PTPRN2: variants seen among roughly 807,000 people sequenced by gnomAD.
PTPRN2 encodes receptor-type tyrosine-protein phosphatase N2.
A neutral mutation model predicts 118.8 loss-of-function variants in PTPRN2; 74 were observed. That is an observed-to-expected ratio of 0.62 (90% CI 0.52 to 0.76). PTPRN2 has a LOEUF of 0.76. Among genes scored for constraint, PTPRN2 ranks in the 30% least tolerant of loss-of-function variants. PTPRN2 has a pLI of 0.00. For synonymous variants in PTPRN2, 641 were observed against 608.0 expected (o/e 1.05, Z -0.80); for missense variants, 1,481 against 1,394.4 (o/e 1.06, Z -0.99).
At chr7:158,491,755 G>T (rs185092950) in intron 1 of PTPRN2, among the ~76,000 whole-genome samples, 2 of 152,314 alleles carry the variant, frequency 1.3e-5, no homozygotes, top group East Asian at 3.9e-4. Flanking sequence ...CTCCCAAAGT[G>T]CTGGGATTAC....
chr7:157,908,282 C>T (rs535647199), intron 11 of PTPRN2, among the ~76,000 whole-genome samples: 14 of 152,328 alleles, frequency 9.2e-5, no homozygotes, highest in Middle Eastern at 3.4e-3. Flanking sequence ...TTCTGCCATG[C>T]GAGCCTTGAA....
At chr7:158,081,692 G>C in intron 10 of PTPRN2, among the ~76,000 whole-genome samples, 1 of 152,148 alleles carries the variant, frequency 6.6e-6, no homozygotes, top group East Asian at 1.9e-4. Context: ...AAAAAGAAAA[G>C]TTGTTATTGA....
intron 12 of PTPRN2, among the ~76,000 whole-genome samples, chr7:157,697,277 C>T (rs1278124900): frequency 6.9e-6 from 1 of 144,754 alleles, no homozygotes; most frequent in Admixed American, 6.8e-5. Context: ...GCAGATTCCT[C>T]ACCATCTACC....
chr7:158,337,265 C>T (rs62481673), intron 2 of PTPRN2, among the ~76,000 whole-genome samples: 56,256 of 145,182 alleles, frequency 0.39, 10,363 homozygotes, highest in Middle Eastern at 0.45. Flanking sequence ...CACCTGCAGA[C>T]GTCACTCAAA....
intron 2 of PTPRN2, among the ~76,000 whole-genome samples, chr7:158,342,078 CCAG>C (rs1806959618): frequency 7.2e-6 from 1 of 138,920 alleles, no homozygotes; most frequent in African/African-American, 2.8e-5. Context: ...CACACTCTCA[CCAG>C]AAGGGGTGTC....
At chr7:158,341,265 C>G (rs1806705493) in intron 2 of PTPRN2, among the ~76,000 whole-genome samples, 2 of 150,624 alleles carry the variant, frequency 1.3e-5, no homozygotes, top group African/African-American at 4.9e-5. Flanking sequence ...AGACGTCATT[C>G]ACACCCACAC....
intron 2 of PTPRN2, among the ~76,000 whole-genome samples, chr7:158,366,647 G>A (rs1254705064): frequency 6.6e-6 from 1 of 152,312 alleles, no homozygotes; most frequent in African/African-American, 2.4e-5. Context: ...CTGGAAGGAC[G>A]TGGTGCTGCG....
chr7:158,434,541 T>C (rs1176865661), intron 2 of PTPRN2, among the ~76,000 whole-genome samples: 1 of 152,212 alleles, frequency 6.6e-6, no homozygotes, highest in African/African-American at 2.4e-5. Context: ...TTCAAACTTT[T>C]ATATCTCAAC....
At chr7:157,776,435 C>CCTCT in intron 12 of PTPRN2, among the ~76,000 whole-genome samples, 1 of 129,058 alleles carries the variant, frequency 7.7e-6, no homozygotes, top group African/African-American at 2.9e-5. Context: ...TCCTCTGTCT[C>CCTCT]TCCTCTTCCT....
At chr7:158,244,870 A>C (rs778056861) in intron 3 of PTPRN2, among the ~76,000 whole-genome samples, 14 of 151,936 alleles carry the variant, frequency 9.2e-5, no homozygotes, top group Non-Finnish European at 1.9e-4. Context: ...GTTATATAAA[A>C]TATTAAACTT....
intron 12 of PTPRN2, among the ~76,000 whole-genome samples, chr7:157,701,850 C>T (rs548399437): frequency 3.4e-5 from 5 of 147,856 alleles, no homozygotes; most frequent in East Asian, 2.0e-4. Context: ...AAAGCCCGGT[C>T]GGTGCTGGTG....
At chr7:158,541,766 C>T in intron 1 of PTPRN2, 2 of 1,190,098 alleles carry the variant, frequency 1.7e-6, no homozygotes, top group Non-Finnish European at 2.1e-6. Flanking sequence ...GCTGCGGACG[C>T]ATAAAAGGGG....
chr7:158,090,859 T>C (rs1042955169), intron 10 of PTPRN2, among the ~76,000 whole-genome samples: 3 of 152,238 alleles, frequency 2.0e-5, no homozygotes, highest in African/African-American at 2.4e-5. Context: ...ACTGATGTAC[T>C]AATATTTGTT....
chr7:158,112,219 G>C (rs1816341185), intron 9 of PTPRN2, among the ~76,000 whole-genome samples: 1 of 152,234 alleles, frequency 6.6e-6, no homozygotes, highest in African/African-American at 2.4e-5. Context: ...GGAGGAGACA[G>C]CTGGGTAGAG....
At chr7:158,134,327 C>G (rs1406734909) in intron 8 of PTPRN2, among the ~76,000 whole-genome samples, 1 of 152,178 alleles carries the variant, frequency 6.6e-6, no homozygotes, top group Non-Finnish European at 1.5e-5. Context: ...CACACACACA[C>G]CTCTCTGAAG....
chr7:158,129,069 AAATAC>A (rs537888443), intron 9 of PTPRN2, among the ~76,000 whole-genome samples: 122 of 149,282 alleles, frequency 8.2e-4, no homozygotes, highest in Non-Finnish European at 1.4e-3. Context: ...CACACACCAC[AAATAC>A]AATACACACC....
intron 2 of PTPRN2, among the ~76,000 whole-genome samples, chr7:158,488,999 AC>A (rs1821236572): frequency 6.6e-6 from 1 of 152,186 alleles, no homozygotes; most frequent in East Asian, 1.9e-4. Flanking sequence ...CCTCTGCCTG[AC>A]CGCGCTGGAG....
intron 11 of PTPRN2, among the ~76,000 whole-genome samples, chr7:158,036,152 CA>C (rs1444492645): frequency 6.6e-6 from 1 of 152,068 alleles, no homozygotes; most frequent in African/African-American, 2.4e-5. Flanking sequence ...AGGGGCATAA[CA>C]ATAACATATA....
At chr7:157,889,561 A>C (rs985062269) in intron 12 of PTPRN2, among the ~76,000 whole-genome samples, 1 of 152,278 alleles carries the variant, frequency 6.6e-6, no homozygotes, top group East Asian at 1.9e-4. Flanking sequence ...GCCTAACTGT[A>C]ATCTGTTTAC....
Sources: gnomAD v4.1 joint callset for allele counts (sites outside exome capture counted in the v4.1 genomes callset) on GRCh38, gnomAD v4.1.1 for gene constraint, MANE v1.5 for transcripts, NCBI Gene and HGNC (gene_info 2026-07-23, HGNC 2026-07-21) for gene names.